ZBTB4: variants seen among roughly 807,000 people sequenced by gnomAD.
The protein encoded by ZBTB4 is zinc finger and BTB domain-containing protein 4.
ZBTB4 carries 14 observed loss-of-function variants against 59.8 expected under a neutral mutation model. The ratio of observed to expected loss-of-function variants is 0.23; its 90% CI spans 0.15 to 0.37. ZBTB4 has a LOEUF of 0.37. Among genes scored for constraint, ZBTB4 ranks in the 10% least tolerant of loss-of-function variants. The pLI is 1.00. For synonymous variants in ZBTB4, 587 were observed against 575.2 expected, an observed-to-expected ratio of 1.02 and a Z score of -0.29; for missense variants, 1,198 against 1,380.8, an observed-to-expected ratio of 0.87 and a Z score of 2.10.
chr17:7,471,160 G>C lies in ZBTB4; in HGVS notation c.-80-3833C>G, dbSNP rs978685939. On this transcript the variant is annotated intron_variant, in intron 1 of 3. Coordinates refer to ENST00000380599, the MANE Select transcript of ZBTB4 (RefSeq NM_001128833.2). ...GATCACACACAATCATTGTCATCATGGTCTCTGTAGCTGCCATTTATGAAA... is the reference window on the plus strand; with the variant it reads ...GATCACACACAATCATTGTCATCATCGTCTCTGTAGCTGCCATTTATGAAA... 4.3e-4 allele frequency among the ~76,000 whole-genome samples: 65 copies of C among 152,048 alleles called. 1 individual carries two copies. The highest frequency in any genetic ancestry group is 1.5e-3 in the African/African-American group (61 of 41,410).
chr17:7,474,089 A>G (rs7215086), intron 1 of ZBTB4, among the ~76,000 whole-genome samples: 146,022 of 152,012 alleles, frequency 0.96, 70,406 homozygotes, highest in Middle Eastern at 1. Context: ...GCTAATTTTT[A>G]TATTTTTAGT....
At chr17:7,479,202 A>C (rs955093852) in intron 1 of ZBTB4, among the ~76,000 whole-genome samples, 4 of 148,070 alleles carry the variant, frequency 2.7e-5, no homozygotes, top group African/African-American at 9.9e-5. Flanking sequence ...CCACGGCCCC[A>C]GGCGATCGCG....
In ZBTB4 at chr17:7,461,805, TGA is replaced by T; in HGVS notation, c.*133_*134del. On this transcript the variant is annotated 3_prime_UTR_variant, in exon 4 of 4. Coordinates refer to ENST00000380599, the MANE Select transcript of ZBTB4 (RefSeq NM_001128833.2). ...ATCTCACACAAAGCAGCCTGACCCCTGAGCTCCAGGGGCCCCCAAGTCCCTGC... is the reference window on the plus strand; with the variant it reads ...ATCTCACACAAAGCAGCCTGACCCCTGCTCCAGGGGCCCCCAAGTCCCTGC... 1.5e-6 allele frequency: 1 copy of T among 683,276 alleles called. No homozygotes were observed. Among genetic ancestry groups the T allele is most frequent in the Non-Finnish European group, 2.4e-6 (1 of 414,380 alleles). 42.3% of individuals were successfully genotyped at this position (683,276 alleles called of 1,614,324 possible). A position where few individuals can be genotyped will look rare whatever the true frequency, so the allele number is the denominator to read the frequency against.
upstream of ZBTB4, among the ~76,000 whole-genome samples, chr17:7,480,979 G>C (rs1330817836): frequency 1.3e-5 from 2 of 152,006 alleles, no homozygotes; most frequent in Admixed American, 6.6e-5. Context: ...GGCCAACATG[G>C]AGAAACCCCA....
At chr17:7,470,752 A>G (rs2070187517) in intron 1 of ZBTB4, among the ~76,000 whole-genome samples, 1 of 152,142 alleles carries the variant, frequency 6.6e-6, no homozygotes, top group Non-Finnish European at 1.5e-5. Flanking sequence ...TAGCTGGCCC[A>G]AGGACGTATG....
At chr17:7,479,030 T>TC (rs1047203269) in intron 1 of ZBTB4, among the ~76,000 whole-genome samples, 3 of 148,330 alleles carry the variant, frequency 2.0e-5, no homozygotes, top group African/African-American at 7.5e-5. Flanking sequence ...GGCCCACCCC[T>TC]CCCCCTCTCT....
At position 7,465,846 on chromosome 17, in the gene ZBTB4, A is replaced by G. The variant is rs1268752380; in HGVS notation, c.956T>C (p.Val319Ala). 6.2e-7 allele frequency: 1 copy of G among 1,614,186 alleles called. No individual in the cohort carries two copies. Among genetic ancestry groups the G allele is most frequent in the Non-Finnish European group, 8.5e-7 (1 of 1,180,036 alleles). The part of the protein sequence containing the change: ...YVCAACERSY[V>A]TLSSLKRHSN... ...GTGTCTCTTCAGACTGGACAGGGTC[A>G]CGTAGGAACGCTCGCAGGCCGCGCA... The change falls in exon 3 of 4, where the codon GTG becomes GCG. Residue 319 changes from valine (V) to alanine (A), a missense_variant. Val to Ala is a moderately conservative substitution (Grantham distance 64). Transcript: ENST00000380599.
rs55956412 is a variant in ZBTB4, at chr17:7,464,431, G to GAAAAAAAAA, written c.1092-550_1092-542dup. ...ACAGAGTGAGACTCTGTCAAAAAAA[G>GAAAAAAAAA]AAAAAAAAAAAAAAAAAAAAACCTC... On this transcript the variant is annotated intron_variant, in intron 3 of 3. Coordinates refer to ENST00000380599, the MANE Select transcript of ZBTB4 (RefSeq NM_001128833.2). Among the ~76,000 whole-genome samples, 8 of 96,180 alleles carry GAAAAAAAAA rather than the reference G, an allele frequency of 8.3e-5. 1 individual carries two copies. The highest frequency in any genetic ancestry group is 1.7e-4 in the African/African-American group (4 of 24,208). The allele number at this position is 96,180 out of a possible 152,430, so 63.1% of individuals were successfully genotyped here. A position where few individuals can be genotyped will look rare whatever the true frequency, so the allele number is the denominator to read the frequency against.
In ZBTB4 at chr17:7,461,778, A is replaced by G. The variant is rs1380333251; in HGVS notation, c.*162T>C. 5 of 556,024 alleles carry G rather than the reference A, an allele frequency of 9.0e-6. No individual in the cohort carries two copies. The highest frequency in any genetic ancestry group is 1.3e-5 in the Non-Finnish European group (4 of 317,870). 34.4% of individuals were successfully genotyped at this position (556,024 alleles called of 1,614,324 possible). A position where few individuals can be genotyped will look rare whatever the true frequency, so the allele number is the denominator to read the frequency against. ...TCCCTTCCCAGGAGATGGGAAAACT[A>G]CATCTCACACAAAGCAGCCTGACCC... is the stretch of plus-strand genomic sequence containing the variant. On this transcript the variant is annotated 3_prime_UTR_variant, in exon 4 of 4. Transcript: ENST00000380599.
chr17:7,477,465 C>T (rs1597781106), intron 1 of ZBTB4, among the ~76,000 whole-genome samples: 1 of 152,318 alleles, frequency 6.6e-6, no homozygotes, highest in Admixed American at 6.5e-5. Context: ...TTCCCAGCCC[C>T]CCATGCCGGA....
In ZBTB4 at chr17:7,466,355, T is replaced by C. The variant is rs772588482; in HGVS notation, c.447A>G (p.Ala149=). 10 of 1,613,656 alleles carry C rather than the reference T, an allele frequency of 6.2e-6. No individual in the cohort carries two copies. Among genetic ancestry groups the C allele is most frequent in the Non-Finnish European group, 8.5e-6 (10 of 1,179,980 alleles). ...VLNFIYSARL[A]LPGGGGDGAA... is the part of the protein sequence containing the mutation. The stretch of plus-strand genomic sequence containing the variant: ...CCCCGTCCCCTCCACCACCAGGCAG[T>C]GCGAGCCGGGCGCTGTAGATGAAGT... The change falls in exon 3 of 4, where the codon GCA becomes GCG. Residue 149 remains alanine (A), a synonymous_variant. Coordinates refer to ENST00000380599, the MANE Select transcript of ZBTB4 (RefSeq NM_001128833.2). This position sits in a 1 kb window ranked among gnomAD's most constrained non-coding sequence, Gnocchi z 9.1.
At chr17:7,483,897 A>G (rs1274941119), upstream of ZBTB4, 1 of 152,256 alleles carries the variant, frequency 6.6e-6, no homozygotes, top group African/African-American at 2.4e-5. Flanking sequence ...CGGACAAGCC[A>G]CTGGTCCTGC....
intron 1 of ZBTB4, among the ~76,000 whole-genome samples, chr17:7,475,341 C>CA (rs1451281911): frequency 3.3e-5 from 5 of 150,860 alleles, no homozygotes; most frequent in East Asian, 1.9e-4. Flanking sequence ...AATTCCGTCT[C>CA]AAAAAAAAAT....
At chr17:7,464,947 G>A (rs2070093366) in intron 3 of ZBTB4, among the ~76,000 whole-genome samples, 1 of 151,060 alleles carries the variant, frequency 6.6e-6, no homozygotes, top group Non-Finnish European at 1.5e-5. Context: ...ACAAGGTCAG[G>A]AAATCGAGAC....
At chr17:7,478,566 T>C (rs549572340) in intron 1 of ZBTB4, among the ~76,000 whole-genome samples, 4 of 152,046 alleles carry the variant, frequency 2.6e-5, no homozygotes, top group Non-Finnish European at 4.4e-5. Flanking sequence ...ATACACTGCA[T>C]CCTGGCACCC....
chr17:7,481,565 T>G, upstream of ZBTB4: 10 of 1,411,792 alleles, frequency 7.1e-6, no homozygotes, highest in Non-Finnish European at 9.5e-6. Context: ...CTATAGCTCC[T>G]GGTTGCTCCA....
In ZBTB4 at chr17:7,463,328, T is replaced by G. The variant is rs777501090; in HGVS notation, c.1654A>C (p.Thr552Pro). The G allele has an allele frequency of 6.2e-7, 1 of 1,607,684 alleles. No individual in the cohort carries two copies. The change falls in exon 4 of 4, where the codon ACC (threonine) becomes CCC (proline). Residue 552 changes from threonine (T) to proline (P), a missense_variant. By Grantham distance (38) the Thr-to-Pro change is conservative. Transcript: ENST00000380599. ...CGGCCCTTGGCCTCCTCCGTGGTGGTGGCCATGGCTGGCCCTGCAGCGGTG... is the reference window on the plus strand; with the variant it reads ...CGGCCCTTGGCCTCCTCCGTGGTGGGGGCCATGGCTGGCCCTGCAGCGGTG... ...PATAAGPAMA[T>P]TTEEAKGRNP...
In ZBTB4 at chr17:7,478,297, C is replaced by A. The variant is rs750373283; in HGVS notation, c.-81+1159G>T. On this transcript the variant is annotated intron_variant, in intron 1 of 3. Coordinates refer to ENST00000380599, the MANE Select transcript of ZBTB4 (RefSeq NM_001128833.2). ...ATCCCATAAACACAACTGGCGCATT[C>A]CACCTCGAGCCCCTCACACCAGTGC... 2.0e-5 allele frequency among the ~76,000 whole-genome samples: 3 copies of A among 152,306 alleles called. No homozygotes were observed. In the East Asian group the frequency reaches 5.8e-4, roughly 29 times the overall value.
intron 3 of ZBTB4, among the ~76,000 whole-genome samples, chr17:7,465,183 G>T (rs547587311): frequency 2.5e-4 from 37 of 147,900 alleles, no homozygotes; most frequent in Non-Finnish European, 4.5e-4. Context: ...AAAATGCCAG[G>T]TGTGGTGGCT....
Sources: gnomAD v4.1 joint callset for allele counts (sites outside exome capture counted in the v4.1 genomes callset) on GRCh38, gnomAD v4.1.1 for gene constraint, Gnocchi (gnomAD v3.1) non-coding constraint, MANE v1.5 for transcripts, NCBI Gene and HGNC (gene_info 2026-07-23, HGNC 2026-07-21) for gene names.